The following GRIP1 variants were observed in gnomAD, a reference collection of about 807,000 sequenced individuals.
GRIP1 encodes the protein glutamate receptor interacting protein 1, also known as glutamate receptor-interacting protein 1.
Under a neutral mutation model 129.9 loss-of-function variants are expected in GRIP1, and 45 were observed. The ratio of observed to expected loss-of-function variants is 0.35; its 90% confidence interval spans 0.27 to 0.44. The LOEUF (loss-of-function observed/expected upper bound fraction) is 0.44. Among genes scored for constraint, GRIP1 ranks in the 20% least tolerant of loss-of-function variants. GRIP1 has a pLI of 1.00. For synonymous variants in GRIP1, 530 were observed against 520.8 expected (o/e 1.02, Z -0.24); for missense variants, 1,196 against 1,396.8 (o/e 0.86, Z 2.29).
chr12:66,784,929 C>T (rs113730902), intron 1 of GRIP1, among the ~76,000 whole-genome samples: 360 of 152,200 alleles, frequency 2.4e-3, no homozygotes, highest in African/African-American at 8.3e-3. Context: ...CTCCCTGAAG[C>T]AAATAACATG....
chr12:66,452,544 T>C (rs2058837316), intron 11 of GRIP1, among the ~76,000 whole-genome samples: 1 of 152,212 alleles, frequency 6.6e-6, no homozygotes, highest in Non-Finnish European at 1.5e-5. Context: ...TCTCCTTCCT[T>C]GGCATTGGAA....
intron 2 of GRIP1, among the ~76,000 whole-genome samples, chr12:66,581,142 T>TC (rs1177263851): frequency 6.6e-6 from 1 of 152,148 alleles, no homozygotes; most frequent in African/African-American, 2.4e-5. Context: ...AACAACCTGC[T>TC]CCTGAATGAC....
rs74098230 is a variant in GRIP1, at chr12:66,677,990, T to G, written c.55+860A>C. ...CTAAATACTTTTACTCAGAATGAAG[T>G]TTTTTTTTAAATAATAAATTTTCTC... On this transcript the variant is annotated intron_variant, in intron 1 of 24. Coordinates refer to ENST00000359742, the MANE Select transcript of GRIP1 (RefSeq NM_001366722.1). Among the ~76,000 whole-genome samples, 1,080 of 151,620 alleles carry G rather than the reference T, an allele frequency of 7.1e-3. 14 individuals carry two copies. Among genetic ancestry groups the G allele is most frequent in the African/African-American group, 0.025 (1,025 of 41,352 alleles).
chr12:67,022,123 C>T (rs1453898413), intron 1 of GRIP1, among the ~76,000 whole-genome samples: 3 of 152,130 alleles, frequency 2.0e-5, no homozygotes, highest in African/African-American at 7.2e-5. Context: ...TGGGAGTGTT[C>T]TCTCATACGC....
chr12:66,489,029 TTCCACCAGAGGTACAAAGAAG>T, intron 7 of GRIP1, among the ~76,000 whole-genome samples: 2 of 152,262 alleles, frequency 1.3e-5, no homozygotes, highest in South Asian at 4.1e-4. Context: ...CACAGCTGAA[TTCCACCAGAGGTACAAAGAAG>T]AGCTGGTACC....
intron 1 of GRIP1, among the ~76,000 whole-genome samples, chr12:66,905,009 T>C (rs2040907690): frequency 6.6e-6 from 1 of 152,154 alleles, no homozygotes; most frequent in Non-Finnish European, 1.5e-5. Context: ...ACAAAGGAGA[T>C]TTCACCATCC....
intron 1 of GRIP1, among the ~76,000 whole-genome samples, chr12:66,995,965 G>C (rs1400633395): frequency 1.3e-5 from 2 of 152,022 alleles, no homozygotes; most frequent in Non-Finnish European, 2.9e-5. Flanking sequence ...AACATAAAAT[G>C]TGGTATATAC....
intron 4 of GRIP1, among the ~76,000 whole-genome samples, chr12:66,535,487 A>T (rs1034627733): frequency 1.3e-5 from 2 of 152,198 alleles, no homozygotes; most frequent in Non-Finnish European, 2.9e-5. Context: ...ACATTTAATC[A>T]TTACAAAAAT....
intron 1 of GRIP1, among the ~76,000 whole-genome samples, chr12:66,678,557 A>G (rs1233598661): frequency 6.6e-6 from 1 of 151,752 alleles, no homozygotes; most frequent in Non-Finnish European, 1.5e-5. Flanking sequence ...GTTTCCCACA[A>G]TAACTTCAGC....
intron 1 of GRIP1, among the ~76,000 whole-genome samples, chr12:67,020,267 T>A (rs796988375): frequency 1.4e-4 from 21 of 152,370 alleles, no homozygotes; most frequent in African/African-American, 4.8e-4. Context: ...CATGAAATTT[T>A]GGTCCTTCGG....
rs142356128 is a variant in GRIP1, at chr12:67,029,396, G to A, written c.58+39654C>T. ...CCCAAAGTGCCAGGATTACAGGCGT[G>A]AGCCATTGTGCCTGGCCAAAAAATT... is the stretch of plus-strand genomic sequence containing the variant. On this transcript the variant is annotated intron_variant, in intron 1 of 1. Coordinates refer to the GRIP1 transcript ENST00000643019. Among the ~76,000 whole-genome samples, 339 of 152,156 alleles carry A rather than the reference G, an allele frequency of 2.2e-3. 1 individual carries two copies. The highest frequency in any genetic ancestry group is 7.9e-3 in the African/African-American group (328 of 41,510).
chr12:66,621,981 T>A (rs540582591), intron 1 of GRIP1, among the ~76,000 whole-genome samples: 1 of 152,204 alleles, frequency 6.6e-6, no homozygotes, highest in African/African-American at 2.4e-5. Context: ...AAATTCTTTA[T>A]ATATTTTGGA....
At chr12:66,674,764 G>A (rs2034245944) in intron 1 of GRIP1, among the ~76,000 whole-genome samples, 1 of 152,146 alleles carries the variant, frequency 6.6e-6, no homozygotes, top group South Asian at 2.1e-4. Context: ...ATGAGAGTGA[G>A]TGTGATCACA....
At chr12:66,724,758 T>A (rs2036198626) in intron 1 of GRIP1, among the ~76,000 whole-genome samples, 1 of 152,162 alleles carries the variant, frequency 6.6e-6, no homozygotes, top group African/African-American at 2.4e-5. Flanking sequence ...CATTTGCTGC[T>A]CAGTGAAAAA....
At chr12:66,398,020 A>G (rs1592764171) in intron 16 of GRIP1, among the ~76,000 whole-genome samples, 1 of 152,246 alleles carries the variant, frequency 6.6e-6, no homozygotes, top group African/African-American at 2.4e-5. Context: ...TCCAGACCAT[A>G]TGGCCCGTCT....
rs545466421 is a variant in GRIP1, at chr12:66,873,562, T to C, written c.58+195488A>G. ...CAATTTGCATTCTATTTTTCAGCCA[T>C]CAGTATATAATTTGACTATGGAATA... On this transcript the variant is annotated intron_variant, in intron 1 of 1. Transcript: ENST00000643019. Among the ~76,000 whole-genome samples, 24 of 152,196 alleles carry C rather than the reference T, an allele frequency of 1.6e-4. No homozygotes were observed. In the East Asian group the frequency reaches 3.9e-3, roughly 25 times the overall value.
intron 14 of GRIP1, among the ~76,000 whole-genome samples, chr12:66,422,458 C>T (rs924581916): frequency 2.0e-5 from 3 of 152,134 alleles, no homozygotes; most frequent in Non-Finnish European, 2.9e-5. Flanking sequence ...GCATAGGGCA[C>T]AAAAACAAAA....
intron 1 of GRIP1, among the ~76,000 whole-genome samples, chr12:66,982,151 T>G (rs1037350947): frequency 6.6e-6 from 1 of 152,194 alleles, no homozygotes; most frequent in Non-Finnish European, 1.5e-5. Context: ...ATTTAATAGG[T>G]AGCAGATCTA....
intron 19 of GRIP1, among the ~76,000 whole-genome samples, chr12:66,379,835 C>T (rs986100521): frequency 1.3e-5 from 2 of 152,102 alleles, no homozygotes; most frequent in Non-Finnish European, 2.9e-5. Flanking sequence ...CCAGTTAGTG[C>T]TCCCTTCTCA....
Sources: allele counts gnomAD v4.1 joint callset (sites outside exome capture counted in the v4.1 genomes callset), GRCh38; gene constraint gnomAD v4.1.1; transcripts MANE v1.5; gene names NCBI Gene and HGNC (gene_info 2026-07-23, HGNC 2026-07-21).